The following ZNF532 variants were observed in gnomAD, a reference collection of about 807,000 sequenced individuals.
The protein encoded by ZNF532 is zinc finger protein 532.
A neutral mutation model predicts 89.3 loss-of-function variants in ZNF532; 22 were observed. The observed-to-expected ratio is 0.25, with a 90% CI of 0.18 to 0.35. ZNF532 has a LOEUF of 0.35. Among genes scored for constraint, ZNF532 ranks in the 10% least tolerant of loss-of-function variants. The pLI is 1.00. For missense variants in ZNF532, 1,132 were observed against 1,643.4 expected (o/e 0.69, Z 5.38); for synonymous variants, 606 against 649.6 (o/e 0.93, Z 1.02).
chr18:58,889,727 CA>C (rs1238631149), intron 2 of ZNF532, among the ~76,000 whole-genome samples: 1 of 151,458 alleles, frequency 6.6e-6, no homozygotes, highest in East Asian at 1.9e-4. Context: ...GAGCCGAGGT[CA>C]CGCCACTGCA....
At chr18:58,897,775 A>T (rs181567075) in intron 2 of ZNF532, among the ~76,000 whole-genome samples, 2 of 152,320 alleles carry the variant, frequency 1.3e-5, no homozygotes, top group Admixed American at 6.5e-5. Flanking sequence ...CAACATGGCG[A>T]ATCCCCATCT....
At chr18:58,934,671 CATTT>C in intron 4 of ZNF532, 57 bp downstream of exon 4, 2 of 1,525,206 alleles carry the variant, frequency 1.3e-6, no homozygotes, top group Non-Finnish European at 1.8e-6. Flanking sequence ...AACCGCACAG[CATTT>C]TGAGTGGTTT....
chr18:58,898,911 C>T (rs1448376633), intron 2 of ZNF532, among the ~76,000 whole-genome samples: 1 of 152,180 alleles, frequency 6.6e-6, no homozygotes, highest in Admixed American at 6.5e-5. Flanking sequence ...GGCCAGTTTC[C>T]AAAATTAAAA....
intron 2 of ZNF532, among the ~76,000 whole-genome samples, chr18:58,876,664 A>G (rs1602529115): frequency 6.6e-6 from 1 of 152,338 alleles, no homozygotes; most frequent in Non-Finnish European, 1.5e-5. Flanking sequence ...TAGTCGGATC[A>G]GATGGAAAAG....
intron 7 of ZNF532, among the ~76,000 whole-genome samples, chr18:58,971,021 C>T (rs1364912372): frequency 2.0e-5 from 3 of 152,212 alleles, no homozygotes; most frequent in African/African-American, 2.4e-5. Flanking sequence ...CCATCTGCTC[C>T]GGATTTGGCC....
intron 6 of ZNF532, among the ~76,000 whole-genome samples, chr18:58,950,703 A>G (rs140408701): frequency 8.0e-4 from 122 of 152,348 alleles, no homozygotes; most frequent in Middle Eastern, 3.4e-3. Flanking sequence ...GTTGACATTT[A>G]TATTTAAACT....
At chr18:58,939,653 A>T in intron 5 of ZNF532, 32 bp downstream of exon 5, 1 of 1,591,274 alleles carries the variant, frequency 6.3e-7, no homozygotes, top group Non-Finnish European at 8.6e-7. Flanking sequence ...GTTTTACTCC[A>T]CTGCTTTATT....
rs926162243 is a variant in ZNF532 at position 58,983,419 on chromosome 18, C to T, written c.3412-553C>T. 2.0e-5 allele frequency among the ~76,000 whole-genome samples: 3 copies of T among 152,176 alleles called. 1 individual carries two copies. Among genetic ancestry groups the T allele is most frequent in the Non-Finnish European group, 4.4e-5 (3 of 68,038 alleles). ...CTGCAGTCTCCCTGAGCACTCCTTC[C>T]TACTGGCTCTAGCCCCTCTTCTGTT... On this transcript the variant is annotated intron_variant, in intron 9 of 9. Transcript: ENST00000591808.
chr18:58,930,360 C>G (rs1000113959), intron 3 of ZNF532, among the ~76,000 whole-genome samples: 17 of 152,146 alleles, frequency 1.1e-4, no homozygotes, highest in Non-Finnish European at 2.4e-4. Flanking sequence ...GGCGCAGTGG[C>G]TCACGCCTCT....
intron 7 of ZNF532, among the ~76,000 whole-genome samples, chr18:58,971,158 T>A (rs1397657738): frequency 6.6e-6 from 1 of 152,244 alleles, no homozygotes; most frequent in Non-Finnish European, 1.5e-5. Flanking sequence ...TTGTTTTAAA[T>A]AAGCATAGTG....
rs1242856288 is a variant in ZNF532 at position 58,983,974 on chromosome 18, C to G, written c.3414C>G (p.Val1138=). 1 of 1,606,032 alleles carries G rather than the reference C, an allele frequency of 6.2e-7. No individual in the cohort carries two copies. Among genetic ancestry groups the G allele is most frequent in the Non-Finnish European group, 8.5e-7 (1 of 1,176,288 alleles). Residue 1138 remains valine, a splice_region_variant and synonymous_variant, in exon 10 of 10, where the codon GTC becomes GTG. Coordinates refer to ENST00000591808, the MANE Select transcript of ZNF532 (RefSeq NM_001375912.1). ...CATTTGCTTTCTTTCCCTGAAAGGTCCCCAGTCCCAAGCGGAAGTTGGAAG... is the reference window on the plus strand; with the variant it reads ...CATTTGCTTTCTTTCCCTGAAAGGTGCCCAGTCCCAAGCGGAAGTTGGAAG... The part of the protein sequence containing the change: ...EETEIKEDTK[V]PSPKRKLEEP...
intron 7 of ZNF532, among the ~76,000 whole-genome samples, chr18:58,971,941 C>A (rs1001749159): frequency 6.6e-6 from 1 of 152,364 alleles, no homozygotes; most frequent in East Asian, 1.9e-4. Context: ...TGGTGGCTCA[C>A]GCCTGTAATT....
intron 5 of ZNF532, among the ~76,000 whole-genome samples, chr18:58,942,890 T>G (rs945004151): frequency 6.6e-6 from 1 of 152,210 alleles, no homozygotes; most frequent in Non-Finnish European, 1.5e-5. Context: ...TTTTAAATGA[T>G]CAGTGTTAAA....
At chr18:58,907,871 C>T (rs1568290444) in intron 2 of ZNF532, among the ~76,000 whole-genome samples, 1 of 152,196 alleles carries the variant, frequency 6.6e-6, no homozygotes, top group African/African-American at 2.4e-5. Flanking sequence ...AGATGATGCC[C>T]ACTTACCTTC....
At chr18:58,863,701 G>T, upstream of ZNF532, 1 of 152,026 alleles carries the variant, frequency 6.6e-6, no homozygotes, top group South Asian at 1.8e-4. Flanking sequence ...TCCGAGCTGC[G>T]GCCCAGACGC....
At chr18:58,961,290 C>T (rs1163717191) in intron 7 of ZNF532, among the ~76,000 whole-genome samples, 7 of 152,308 alleles carry the variant, frequency 4.6e-5, no homozygotes, top group African/African-American at 1.7e-4. Flanking sequence ...GTCTGAGTGG[C>T]AGTACAATCC....
chr18:58,888,600 T>G (rs1356283275), intron 2 of ZNF532, among the ~76,000 whole-genome samples: 1 of 142,208 alleles, frequency 7.0e-6, no homozygotes, highest in Non-Finnish European at 1.5e-5. Context: ...CGCTTCAACC[T>G]GGGAGGCGGA....
At position 58,919,076 on chromosome 18, in the gene ZNF532, G is replaced by A. The variant is rs549275114; in HGVS notation, c.789G>A (p.Ser263=). The change falls in exon 3 of 10, where the codon TCG becomes TCA. Residue 263 remains serine (S), a synonymous_variant. Transcript: ENST00000591808. The surrounding 1 kb of genome is among the most constrained non-coding windows in gnomAD (Gnocchi z 6.1). ...GCGTTGCGCCATCAAAGACAAAGTC[G>A]TCCTCCAAGCTCTCGTCCTGCATCG... ...LPSVAPSKTK[S]SSKLSSCIAA... is the part of the protein sequence containing the mutation. 90 of 1,613,984 alleles carry A rather than the reference G, an allele frequency of 5.6e-5. No individual in the cohort carries two copies. The highest frequency in any genetic ancestry group is 6.1e-5 in the Non-Finnish European group (72 of 1,180,044).
In ZNF532 at chr18:58,888,811, A is replaced by T. The variant is rs1418568202; in HGVS notation, c.-18+23232A>T. 1.3e-3 allele frequency among the ~76,000 whole-genome samples: 56 copies of T among 42,724 alleles called. 1 individual carries two copies. Among genetic ancestry groups the T allele is most frequent in the South Asian group, 0.012 (15 of 1,300 alleles). 28.0% of individuals were successfully genotyped at this position (42,724 alleles called of 152,430 possible). ...AAATATATATAATTTATATATATAAAAAATTATATATATAAATTATATATA... is the reference window on the plus strand; with the variant it reads ...AAATATATATAATTTATATATATAATAAATTATATATATAAATTATATATA... On this transcript the variant is annotated intron_variant, in intron 2 of 9. Transcript: ENST00000591808.
Sources: allele counts gnomAD v4.1 joint callset (sites outside exome capture counted in the v4.1 genomes callset), GRCh38; gene constraint gnomAD v4.1.1; non-coding constraint Gnocchi (gnomAD v3.1); transcripts MANE v1.5; gene names NCBI Gene and HGNC (gene_info 2026-07-23, HGNC 2026-07-21).